The following ADGRV1 variants were observed in gnomAD, a reference collection of about 807,000 sequenced individuals.
The protein encoded by ADGRV1 is G-protein coupled receptor 98.
ADGRV1 carries 359 observed loss-of-function variants against 596.2 expected under a neutral mutation model. The observed-to-expected ratio is 0.60, with a 90% confidence interval of 0.55 to 0.66. ADGRV1 has a LOEUF of 0.66. ADGRV1 is among the 30% of genes least tolerant of loss of function. The pLI is 0.00. For missense variants in ADGRV1, 7,274 were observed against 7,575.6 expected, an observed-to-expected ratio of 0.96 and a Z score of 1.48; for synonymous variants, 2,681 against 2,679.2, an observed-to-expected ratio of 1.00 and a Z score of -0.02.
intron 1 of ADGRV1, among the ~76,000 whole-genome samples, chr5:90,559,665 A>G (rs1481742010): frequency 6.6e-6 from 1 of 152,104 alleles, no homozygotes; most frequent in African/African-American, 2.4e-5. Flanking sequence ...AAATGTGTGT[A>G]ATGTATTTAC....
chr5:91,067,211 C>A (rs1035528159), intron 85 of ADGRV1, among the ~76,000 whole-genome samples: 1 of 108,462 alleles, frequency 9.2e-6, no homozygotes, highest in African/African-American at 3.2e-5. Context: ...ATGGCGTGAT[C>A]TCAGCTCACC....
intron 5 of ADGRV1, among the ~76,000 whole-genome samples, chr5:90,624,555 C>T (rs1183909779): frequency 6.6e-6 from 1 of 152,062 alleles, no homozygotes; most frequent in African/African-American, 2.4e-5. Context: ...CTTGATCTCT[C>T]TCATGCTATT....
At chr5:90,745,556 T>C (rs1754524137) in intron 51 of ADGRV1, 35 bp from the exon 52 acceptor site, 1 of 1,389,728 alleles carries the variant, frequency 7.2e-7, no homozygotes, top group African/African-American at 1.4e-5. Context: ...AAATTTGTTG[T>C]AGTTGACTTA....
At chr5:90,724,747 T>C (rs1751537405) in intron 45 of ADGRV1, 85 bp from the exon 46 acceptor site, 4 of 1,228,522 alleles carry the variant, frequency 3.3e-6, no homozygotes, top group Admixed American at 3.7e-5. Flanking sequence ...ACAAATGCAC[T>C]TGTCTCATTG....
intron 84 of ADGRV1, among the ~76,000 whole-genome samples, chr5:90,977,190 A>G (rs1375317012): frequency 6.6e-6 from 1 of 152,216 alleles, no homozygotes; most frequent in Non-Finnish European, 1.5e-5. Flanking sequence ...TGACATACCC[A>G]GAAAATACTG....
intron 5 of ADGRV1, among the ~76,000 whole-genome samples, chr5:90,623,185 T>C (rs1215489009): frequency 6.6e-6 from 1 of 152,226 alleles, no homozygotes; most frequent in African/African-American, 2.4e-5. Context: ...TCATGATTAA[T>C]ATAAAAATGT....
chr5:90,891,536 T>G (rs1280051049), intron 83 of ADGRV1, among the ~76,000 whole-genome samples: 1 of 151,822 alleles, frequency 6.6e-6, no homozygotes, highest in Non-Finnish European at 1.5e-5. Context: ...TGGAGCATAA[T>G]AGGAGCAAAA....
At chr5:90,851,102 G>GGTGTGT (rs371933419) in intron 79 of ADGRV1, among the ~76,000 whole-genome samples, 2,850 of 50,470 alleles carry the variant, frequency 0.056, 126 homozygotes, top group Non-Finnish European at 0.086. Context: ...AGCTAGGTAG[G>GGTGTGT]GTGTGTGTGT....
rs1235047565 is a variant in ADGRV1, at chr5:90,757,127, C to T, written c.11906C>T (p.Pro3969Leu). Reference protein sequence around the residue: ...PDSAGLEDFKPSHGILEFADK... With the variant: ...PDSAGLEDFKLSHGILEFADK... Reference sequence around the variant, plus strand: ...AGTGCTGGCCTGGAAGACTTTAAACCATCTCATGGGATTCTTGAATTTGCA... The same window carrying T: ...AGTGCTGGCCTGGAAGACTTTAAACTATCTCATGGGATTCTTGAATTTGCA... Residue 3969 changes from proline (P) to leucine (L), a missense_variant, in exon 57 of 90, where the codon CCA becomes CTA. Coordinates refer to ENST00000405460, the MANE Select transcript of ADGRV1 (RefSeq NM_032119.4). 6.2e-7 allele frequency: 1 copy of T among 1,613,870 alleles called. No individual in the cohort carries two copies.
At chr5:90,692,058 T>G (rs896123330) in intron 31 of ADGRV1, among the ~76,000 whole-genome samples, 3 of 152,218 alleles carry the variant, frequency 2.0e-5, no homozygotes, top group African/African-American at 7.2e-5. Flanking sequence ...TAAAATTTAT[T>G]TTGAATGCTA....
At chr5:90,796,545 T>G (rs1760738571) in intron 70 of ADGRV1, among the ~76,000 whole-genome samples, 1 of 152,182 alleles carries the variant, frequency 6.6e-6, no homozygotes, top group African/African-American at 2.4e-5. Flanking sequence ...TTGGAAAACA[T>G]TCTTCAGGAT....
intron 56 of ADGRV1, 138 bp downstream of exon 56, chr5:90,756,768 G>T: frequency 1.2e-6 from 1 of 807,930 alleles, no homozygotes; most frequent in Non-Finnish European, 1.9e-6. Context: ...CTAATTCTTA[G>T]GTCTCTTTGG....
At chr5:90,852,025 G>A (rs1327704408) in intron 79 of ADGRV1, among the ~76,000 whole-genome samples, 1 of 152,098 alleles carries the variant, frequency 6.6e-6, no homozygotes, top group African/African-American at 2.4e-5. Flanking sequence ...TTGAAGATGT[G>A]GTGACTTCAG....
At chr5:90,789,469 T>G (rs1759835716) in intron 68 of ADGRV1, among the ~76,000 whole-genome samples, 1 of 151,912 alleles carries the variant, frequency 6.6e-6, no homozygotes, top group South Asian at 2.1e-4. Context: ...CAAATGGGAG[T>G]TTTCTGGATT....
intron 85 of ADGRV1, among the ~76,000 whole-genome samples, chr5:91,036,472 G>C (rs1034295253): frequency 1.3e-5 from 2 of 151,274 alleles, no homozygotes; most frequent in African/African-American, 2.4e-5. Context: ...TGAGGCAGGA[G>C]AATGGCGTGA....
At chr5:91,050,569 G>T (rs1331353978) in intron 85 of ADGRV1, among the ~76,000 whole-genome samples, 1 of 152,106 alleles carries the variant, frequency 6.6e-6, no homozygotes, top group Non-Finnish European at 1.5e-5. Context: ...TTTTAAAAAA[G>T]TCTTTCTAAT....
rs1389547578 is a variant in ADGRV1 at position 90,697,171 on chromosome 5, T to C, written c.8155+25T>C. ...GGTGGGTTCCTTTTTTTGTTAAGCA[T>C]ATTCATTTTCTTTTCTATGGATGTT... On this transcript the variant is annotated intron_variant, in intron 34 of 89. Coordinates refer to ENST00000405460, the MANE Select transcript of ADGRV1 (RefSeq NM_032119.4). 4 of 1,583,786 alleles carry C rather than the reference T, an allele frequency of 2.5e-6. No homozygotes were observed. In the African/African-American group the frequency reaches 4.1e-5, roughly 16 times the overall value.
chr5:90,606,780 T>C (rs1430097466), intron 1 of ADGRV1, among the ~76,000 whole-genome samples: 5 of 152,088 alleles, frequency 3.3e-5, no homozygotes, highest in Admixed American at 1.3e-4. Context: ...GCAGTAGATA[T>C]CCTGGTATTC....
At chr5:91,054,642 G>A (rs1786675209) in intron 85 of ADGRV1, among the ~76,000 whole-genome samples, 1 of 152,120 alleles carries the variant, frequency 6.6e-6, no homozygotes, top group African/African-American at 2.4e-5. Context: ...AACCTCCCTT[G>A]TCAGGAAGGC....
Sources: gnomAD v4.1 joint callset for allele counts (sites outside exome capture counted in the v4.1 genomes callset) on GRCh38, gnomAD v4.1.1 for gene constraint, MANE v1.5 for transcripts, NCBI Gene and HGNC (gene_info 2026-07-23, HGNC 2026-07-21) for gene names.